Variants in HSF5 observed in about 807,000 individuals in gnomAD.
HSF5 encodes heat shock transcription factor 5.
HSF5 carries 5 observed loss-of-function variants against 50.8 expected under a neutral mutation model. That is an observed-to-expected ratio of 0.10 (90% confidence interval 0.05 to 0.21). The LOEUF is 0.21. Among genes scored for constraint, HSF5 ranks in the 10% least tolerant of loss-of-function variants. The probability of loss-of-function intolerance (pLI) is 1.00; values close to 1 mark genes in which losing one functional copy is unlikely to be tolerated. For synonymous variants in HSF5, 307 were observed against 307.4 expected, an observed-to-expected ratio of 1.00 and a Z score of 0.02; for missense variants, 564 against 762.6, an observed-to-expected ratio of 0.74 and a Z score of 3.07.
chr17:58,486,366 A>AAAAAAATAAACAAATAAT (rs1360465581), intron 1 of HSF5, among the ~76,000 whole-genome samples: 1 of 152,226 alleles, frequency 6.6e-6, no homozygotes, highest in African/African-American at 2.4e-5. Flanking sequence ...ACTCCGTCTC[A>AAAAAAATAAACAAATAAT]AAAAAATAAA....
At chr17:58,482,827 C>T (rs1975118049) in intron 1 of HSF5, among the ~76,000 whole-genome samples, 1 of 150,850 alleles carries the variant, frequency 6.6e-6, no homozygotes, top group Admixed American at 6.6e-5. Flanking sequence ...ACCAATAGTC[C>T]CAGCTAGGAG....
At chr17:58,482,803 G>GT (rs1975117561) in intron 1 of HSF5, among the ~76,000 whole-genome samples, 1 of 150,376 alleles carries the variant, frequency 6.6e-6, no homozygotes, top group Non-Finnish European at 1.5e-5. Flanking sequence ...AATCAGCCAG[G>GT]TATGGTGGCA....
rs1330560415 is a variant in HSF5, at chr17:58,488,257, G to T, written c.18C>A (p.Ser6=). MEALL[S]TPINPNNFPA... is the part of the protein sequence containing the mutation. ...GGAAGTTGTTGGGGTTGATGGGGGT[G>T]GAGAGCAGCGCCTCCATCGCCCCGC... The change falls in exon 1 of 6, where the codon TCC becomes TCA. Residue 6 remains serine (S), a synonymous_variant. Transcript: ENST00000323777. The surrounding 1 kb of genome is among the most constrained non-coding windows in gnomAD (Gnocchi z 4.1). The T allele has an allele frequency of 7.4e-6, 11 of 1,490,694 alleles. No individual in the cohort carries two copies. The highest frequency in any genetic ancestry group is 9.7e-6 in the Non-Finnish European group (11 of 1,133,934). The allele number at this position is 1,490,694 out of a possible 1,614,324, so 92.3% of individuals were successfully genotyped here. A position where few individuals can be genotyped will look rare whatever the true frequency, so the allele number is the denominator to read the frequency against.
rs1054017627 is a variant in HSF5, at chr17:58,446,801, C to T, written c.1720+11967G>A. The stretch of plus-strand genomic sequence containing the variant: ...CCACGTCATCCCTGTCCCAGCTCTA[C>T]ACAGTAAAGTGTGGTAAGAGACTAC... On this transcript the variant is annotated intron_variant, in intron 5 of 5. Coordinates refer to ENST00000323777, the MANE Select transcript of HSF5 (RefSeq NM_001080439.3). 7.2e-5 allele frequency among the ~76,000 whole-genome samples: 11 copies of T among 152,298 alleles called. No individual in the cohort carries two copies. The East Asian group carries it at 1.9e-3, about 27-fold the overall frequency.
At chr17:58,431,950 T>C (rs754956695) in intron 5 of HSF5, among the ~76,000 whole-genome samples, 2 of 152,184 alleles carry the variant, frequency 1.3e-5, no homozygotes, top group Non-Finnish European at 2.9e-5. Flanking sequence ...AATGGAGACT[T>C]ACTGTTTAAT....
intron 5 of HSF5, among the ~76,000 whole-genome samples, chr17:58,427,031 C>T (rs1367387126): frequency 6.6e-6 from 1 of 151,986 alleles, no homozygotes; most frequent in African/African-American, 2.4e-5. Flanking sequence ...GAGGGTAGAT[C>T]GCTTGCATCC....
chr17:58,472,107 T>C (rs1974954545), intron 2 of HSF5, among the ~76,000 whole-genome samples: 1 of 152,166 alleles, frequency 6.6e-6, no homozygotes, highest in Admixed American at 6.5e-5. Context: ...TCCACCTGCC[T>C]TGGCTTCCCA....
At chr17:58,457,652 T>G (rs1974732011) in intron 5 of HSF5, among the ~76,000 whole-genome samples, 2 of 152,220 alleles carry the variant, frequency 1.3e-5, no homozygotes, top group East Asian at 3.8e-4. Flanking sequence ...AGTTACTTAC[T>G]CTAAGCCTAA....
At chr17:58,447,612 T>C (rs1400907445) in intron 5 of HSF5, among the ~76,000 whole-genome samples, 1 of 152,026 alleles carries the variant, frequency 6.6e-6, no homozygotes, top group Non-Finnish European at 1.5e-5. Flanking sequence ...CTCCCTGATC[T>C]TCCTCAAGTT....
Position 58,420,479 on chromosome 17 carries a change from C to G in HSF5, c.*1881G>C, listed in dbSNP as rs1359654500. The G allele has an allele frequency of 6.6e-6, 1 of 152,098 alleles. No homozygotes were observed. The highest frequency in any genetic ancestry group is 2.4e-5 in the African/African-American group (1 of 41,400). 9.4% of individuals were successfully genotyped at this position (152,098 alleles called of 1,614,324 possible). On this transcript the variant is annotated 3_prime_UTR_variant, in exon 6 of 6. Transcript: ENST00000323777. ...TAATTAAGCCTTAAAACAACTGAAA[C>G]CAAATCTATGCCAAGGTTCCTGCTT...
chr17:58,447,383 T>A (rs1974574402), intron 5 of HSF5, among the ~76,000 whole-genome samples: 1 of 152,150 alleles, frequency 6.6e-6, no homozygotes, highest in Non-Finnish European at 1.5e-5. Context: ...AGTCTGACAG[T>A]AGTGACAGAG....
At chr17:58,458,076 G>A (rs1974737355) in intron 5 of HSF5, among the ~76,000 whole-genome samples, 1 of 152,152 alleles carries the variant, frequency 6.6e-6, no homozygotes, top group Non-Finnish European at 1.5e-5. Context: ...TGCCTGCACT[G>A]CATGCCCCTG....
At chr17:58,469,370 A>C (rs758813826) in intron 2 of HSF5, among the ~76,000 whole-genome samples, 2 of 152,250 alleles carry the variant, frequency 1.3e-5, no homozygotes, top group Non-Finnish European at 2.9e-5. Flanking sequence ...AGAATATGTT[A>C]ATATATTTTT....
rs1598176368 is a variant in HSF5, at chr17:58,421,120, A to G, written c.*1240T>C. 2.0e-5 allele frequency: 3 copies of G among 152,620 alleles called. No homozygotes were observed. The highest frequency in any genetic ancestry group is 6.5e-5 in the Admixed American group (1 of 15,286). 9.5% of individuals were successfully genotyped at this position (152,620 alleles called of 1,614,324 possible). On this transcript the variant is annotated 3_prime_UTR_variant, in exon 6 of 6. Transcript: ENST00000323777. Reference sequence around the variant, plus strand: ...TCAGAAAGTTTCTTGCTGTCACTGGATAAGCAAGTAAGGGATTAACCACAG... The same window carrying G: ...TCAGAAAGTTTCTTGCTGTCACTGGGTAAGCAAGTAAGGGATTAACCACAG...
At chr17:58,485,080 G>A (rs796679248) in intron 1 of HSF5, among the ~76,000 whole-genome samples, 10 of 149,858 alleles carry the variant, frequency 6.7e-5, no homozygotes, top group African/African-American at 2.2e-4. Context: ...TCAGCCTCCC[G>A]AGTAGCTGGG....
intron 5 of HSF5, among the ~76,000 whole-genome samples, chr17:58,435,317 G>A (rs1232280703): frequency 1.3e-5 from 2 of 152,144 alleles, no homozygotes; most frequent in South Asian, 2.1e-4. Context: ...GGGAGGCCAA[G>A]GTGGGTAGAT....
chr17:58,437,541 T>C (rs1348411937), intron 5 of HSF5, among the ~76,000 whole-genome samples: 1 of 152,198 alleles, frequency 6.6e-6, no homozygotes, highest in Non-Finnish European at 1.5e-5. Flanking sequence ...CCTGCACCCA[T>C]ACATTCTATC....
At chr17:58,465,178 TTTTC>T (rs1448215284) in intron 3 of HSF5, among the ~76,000 whole-genome samples, 1 of 124,216 alleles carries the variant, frequency 8.1e-6, no homozygotes, top group Non-Finnish European at 1.6e-5. Flanking sequence ...CCTTTATTTC[TTTTC>T]TTTTTTTTTT....
At chr17:58,479,869 G>T in intron 2 of HSF5, 24 bp downstream of exon 2, 1 of 1,584,322 alleles carries the variant, frequency 6.3e-7, no homozygotes. Context: ...TAAATAGAAG[G>T]CCATGAACCT....
Sources: gnomAD v4.1 joint callset for allele counts (sites outside exome capture counted in the v4.1 genomes callset) on GRCh38, gnomAD v4.1.1 for gene constraint, Gnocchi (gnomAD v3.1) non-coding constraint, MANE v1.5 for transcripts, NCBI Gene and HGNC (gene_info 2026-07-23, HGNC 2026-07-21) for gene names.